The following PRRX2 variants were observed in gnomAD, a reference collection of about 807,000 sequenced individuals.
PRRX2 encodes the protein paired related homeobox 2.
Under a neutral mutation model 18.0 loss-of-function variants are expected in PRRX2, and 11 were observed. The ratio of observed to expected loss-of-function variants is 0.61; its 90% CI spans 0.39 to 1.01. The LOEUF (loss-of-function observed/expected upper bound fraction) is 1.01, where lower values mean the gene tolerates loss of function less well. Ranked by LOEUF, PRRX2 falls within the 50% of genes least tolerant of loss-of-function variation. PRRX2 has a pLI of 0.01. For missense variants in PRRX2, 387 were observed against 351.0 expected (o/e 1.10, Z -0.82); for synonymous variants, 177 against 154.8 (o/e 1.14, Z -1.06).
chr9:129,683,323 A>G (rs1331606342), intron 1 of PRRX2, among the ~76,000 whole-genome samples: 1 of 152,162 alleles, frequency 6.6e-6, no homozygotes, highest in Non-Finnish European at 1.5e-5. Flanking sequence ...TCCATTTTAG[A>G]GATGAGAAAC....
chr9:129,681,060 TC>T (rs1564146418), intron 1 of PRRX2, among the ~76,000 whole-genome samples: 1 of 152,252 alleles, frequency 6.6e-6, no homozygotes, highest in Non-Finnish European at 1.5e-5. Flanking sequence ...AGATGGGTAC[TC>T]CCTGCGTGCC....
At chr9:129,712,368 G>C (rs779124361) in intron 1 of PRRX2, among the ~76,000 whole-genome samples, 1 of 152,174 alleles carries the variant, frequency 6.6e-6, no homozygotes, top group African/African-American at 2.4e-5. Context: ...GGAACGAAGA[G>C]GCTGAGTTTA....
At chr9:129,719,650 G>T (rs116975319) in intron 2 of PRRX2, among the ~76,000 whole-genome samples, 2,697 of 152,350 alleles carry the variant, frequency 0.018, 39 homozygotes, top group Non-Finnish European at 0.029. Flanking sequence ...TGAGGATCAC[G>T]TAGGTCTTTG....
Position 129,693,725 on chromosome 9 carries a change from G to C in PRRX2, c.260-25506G>C, listed in dbSNP as rs527502719. Among the ~76,000 whole-genome samples, 19 of 152,328 alleles carry C rather than the reference G, an allele frequency of 1.2e-4. No individual in the cohort carries two copies. In the South Asian group the frequency reaches 3.9e-3, roughly 32 times the overall value. ...TATTGGAAATATGTCCAGAGAGGTT[G>C]GATAATTTTTCCTGCCACCACCAAG... On this transcript the variant is annotated intron_variant, in intron 1 of 3. Transcript: ENST00000372469.
At chr9:129,668,741 C>T (rs1832059195) in intron 1 of PRRX2, among the ~76,000 whole-genome samples, 1 of 134,190 alleles carries the variant, frequency 7.5e-6, no homozygotes, top group Non-Finnish European at 1.5e-5. Context: ...TGCACCACTG[C>T]ACACTCCAGC....
intron 1 of PRRX2, among the ~76,000 whole-genome samples, chr9:129,705,986 CT>C (rs1197092832): frequency 6.6e-6 from 1 of 152,108 alleles, no homozygotes; most frequent in Non-Finnish European, 1.5e-5. Flanking sequence ...TCCTCACCCC[CT>C]GTCACCTCAC....
intron 1 of PRRX2, among the ~76,000 whole-genome samples, chr9:129,679,581 T>G (rs60441684): frequency 0.06 from 9,109 of 152,262 alleles, 338 homozygotes; most frequent in African/African-American, 0.092. Context: ...CTTGGGCTCT[T>G]GACTGTGATC....
At chr9:129,677,958 CTTTTTTT>C (rs760645440) in intron 1 of PRRX2, among the ~76,000 whole-genome samples, 1,743 of 113,088 alleles carry the variant, frequency 0.015, 14 homozygotes, top group Middle Eastern at 0.042. Context: ...TTCTTTCTTT[CTTTTTTT>C]TTTTTTTTTT....
At chr9:129,706,515 T>C (rs184666309) in intron 1 of PRRX2, among the ~76,000 whole-genome samples, 1 of 151,772 alleles carries the variant, frequency 6.6e-6, no homozygotes, top group East Asian at 1.9e-4. Context: ...GTGGGCCAAG[T>C]TCACGCCACT....
rs548200515 is a variant in PRRX2 at position 129,666,318 on chromosome 9, C to A, written c.259+192C>A. Among the ~76,000 whole-genome samples, 3 of 152,240 alleles carry A rather than the reference C, an allele frequency of 2.0e-5. No homozygotes were observed. In the South Asian group the frequency reaches 6.2e-4, roughly 32 times the overall value. On this transcript the variant is annotated intron_variant, in intron 1 of 3. Transcript: ENST00000372469. ...CACTCTGGGCTGGGGGAGGGGGACC[C>A]TCTTCGGGTCTTGGGGTGCGTCCCC...
chr9:129,697,269 G>C (rs550754815), intron 1 of PRRX2, among the ~76,000 whole-genome samples: 2 of 152,268 alleles, frequency 1.3e-5, no homozygotes, highest in African/African-American at 4.8e-5. Flanking sequence ...GTCTGAGCTG[G>C]AAGGAAGGCG....
rs1030222255 is a variant in PRRX2, at chr9:129,665,715, G to A, written c.-153G>A. The A allele has an allele frequency of 7.6e-5, 36 of 474,444 alleles. No homozygotes were observed. Among genetic ancestry groups the A allele is most frequent in the Admixed American group, 1.2e-4 (2 of 16,154 alleles). 29.4% of individuals were successfully genotyped at this position (474,444 alleles called of 1,614,324 possible). A position where few individuals can be genotyped will look rare whatever the true frequency, so the allele number is the denominator to read the frequency against. ...GGGAGGGCGGAAAGTTTGTTTCCCC[G>A]ACGTCAGCGCCGGGCGGGCCGCGAG... On this transcript the variant is annotated 5_prime_UTR_variant, in exon 1 of 4. Coordinates refer to ENST00000372469, the MANE Select transcript of PRRX2 (RefSeq NM_016307.4). The surrounding 1 kb of genome is among the most constrained non-coding windows in gnomAD (Gnocchi z 5.3).
At chr9:129,682,084 C>T (rs73670168) in intron 1 of PRRX2, among the ~76,000 whole-genome samples, 98 of 152,182 alleles carry the variant, frequency 6.4e-4, no homozygotes, top group African/African-American at 2.0e-3. Context: ...GCCAAATGCC[C>T]GTGGCCTCCT....
intron 1 of PRRX2, among the ~76,000 whole-genome samples, chr9:129,699,854 CT>C (rs1832472753): frequency 6.6e-6 from 1 of 152,178 alleles, no homozygotes; most frequent in Non-Finnish European, 1.5e-5. Context: ...GAGCAGAGAA[CT>C]TGGTCTCTGA....
At chr9:129,707,234 C>A (rs747217018) in intron 1 of PRRX2, among the ~76,000 whole-genome samples, 1 of 151,524 alleles carries the variant, frequency 6.6e-6, no homozygotes, top group African/African-American at 2.4e-5. Flanking sequence ...CCAGCCTGGG[C>A]AACATAATGA....
chr9:129,682,929 C>T (rs999000106), intron 1 of PRRX2, among the ~76,000 whole-genome samples: 1 of 57,140 alleles, frequency 1.8e-5, no homozygotes, highest in Non-Finnish European at 5.1e-5. Flanking sequence ...ACATGGTGAA[C>T]CCCCCCCATC....
At chr9:129,714,767 C>T (rs1040636630) in intron 1 of PRRX2, among the ~76,000 whole-genome samples, 2 of 152,172 alleles carry the variant, frequency 1.3e-5, no homozygotes, top group African/African-American at 4.8e-5. Context: ...CATTTAAACA[C>T]CCCCAGGTTT....
In PRRX2 at chr9:129,719,317, C is replaced by T; in HGVS notation, c.346C>T (p.Leu116=). The T allele has an allele frequency of 6.2e-7, 1 of 1,609,562 alleles. No homozygotes were observed. The highest frequency in any genetic ancestry group is 8.5e-7 in the Non-Finnish European group (1 of 1,178,440). The part of the protein sequence containing the change: ...RNRTTFNSSQ[L]QALERVFERT... The stretch of plus-strand genomic sequence containing the variant: ...CCGCACCACGTTCAACAGCAGCCAA[C>T]TGCAGGCGCTGGAGCGCGTGTTCGA... Residue 116 remains leucine (L), a synonymous_variant, in exon 2 of 4, where the codon CTG becomes TTG. Transcript: ENST00000372469.
intron 1 of PRRX2, among the ~76,000 whole-genome samples, chr9:129,679,212 G>A (rs1832197899): frequency 6.6e-6 from 1 of 152,140 alleles, no homozygotes; most frequent in Non-Finnish European, 1.5e-5. Context: ...ACCCTGGGGT[G>A]GAAGCTTTGT....
Sources: gnomAD v4.1 joint callset for allele counts (sites outside exome capture counted in the v4.1 genomes callset) on GRCh38, gnomAD v4.1.1 for gene constraint, Gnocchi (gnomAD v3.1) non-coding constraint, MANE v1.5 for transcripts, NCBI Gene and HGNC (gene_info 2026-07-23, HGNC 2026-07-21) for gene names.